The following COL13A1 variants were observed in gnomAD, a reference collection of about 807,000 sequenced individuals.
The protein encoded by COL13A1 is collagen alpha-1(XIII) chain.
In COL13A1, 89 loss-of-function variants were observed where a neutral mutation model predicts 130.9. The ratio of observed to expected loss-of-function variants is 0.68; its 90% CI spans 0.57 to 0.81. COL13A1 has a LOEUF of 0.81. COL13A1 is among the 30% of genes least tolerant of loss of function. The probability of loss-of-function intolerance (pLI) is 0.00; values close to 1 mark genes in which losing one functional copy is unlikely to be tolerated. For missense variants in COL13A1, 879 were observed against 934.6 expected (o/e 0.94, Z 0.78); for synonymous variants, 402 against 341.6 (o/e 1.18, Z -1.95).
intron 2 of COL13A1, among the ~76,000 whole-genome samples, chr10:69,838,132 C>A (rs1334005911): frequency 6.6e-6 from 1 of 152,186 alleles, no homozygotes; most frequent in Non-Finnish European, 1.5e-5. Flanking sequence ...CCAGGCAGCC[C>A]CCTCCTCAAG....
At chr10:69,953,325 G>A (rs1181569849) in intron 39 of COL13A1, among the ~76,000 whole-genome samples, 1 of 152,196 alleles carries the variant, frequency 6.6e-6, no homozygotes, top group African/African-American at 2.4e-5. Flanking sequence ...CCACGGATTT[G>A]CCTTCTTCGT....
intron 17 of COL13A1, among the ~76,000 whole-genome samples, chr10:69,909,252 G>A (rs552410527): frequency 2.6e-4 from 40 of 152,192 alleles, no homozygotes; most frequent in Non-Finnish European, 5.3e-4. Flanking sequence ...GAGGCACTGA[G>A]GAGAAGACCC....
intron 1 of COL13A1, among the ~76,000 whole-genome samples, chr10:69,808,466 TA>T (rs1425877365): frequency 6.6e-6 from 1 of 152,092 alleles, no homozygotes; most frequent in East Asian, 1.9e-4. Flanking sequence ...TCCCAAACGG[TA>T]GCAGATACTA....
chr10:69,802,401 A>G lies in COL13A1; in HGVS notation c.-23A>G. On this transcript the variant is annotated 5_prime_UTR_variant, in exon 1 of 41. Coordinates refer to ENST00000645393, the MANE Select transcript of COL13A1 (RefSeq NM_001368882.1). ...CTTTATTTATTCTATTTATTTATTT[A>G]TTGGTTCTCAAGACGCGAGAGGATG... The G allele has an allele frequency of 6.9e-7, 1 of 1,454,696 alleles. No homozygotes were observed. The highest frequency in any genetic ancestry group is 9.0e-7 in the Non-Finnish European group (1 of 1,112,464). 90.1% of individuals were successfully genotyped at this position (1,454,696 alleles called of 1,614,324 possible).
chr10:69,925,598 C>T lies in COL13A1; in HGVS notation c.1330-206C>T, dbSNP rs1449313804. ...TCTTCCCAGGTCGGCCTAGCCCAGA[C>T]TTCTCACATGGAGTCTTCTCGATTT... is the stretch of plus-strand genomic sequence containing the variant. On this transcript the variant is annotated intron_variant, in intron 25 of 40. Transcript: ENST00000645393. 3.3e-5 allele frequency among the ~76,000 whole-genome samples: 5 copies of T among 152,250 alleles called. No homozygotes were observed. The East Asian group carries it at 9.6e-4, about 29-fold the overall frequency.
At chr10:69,875,332 G>A (rs1046863879) in intron 5 of COL13A1, among the ~76,000 whole-genome samples, 169 bp downstream of exon 5, 1 of 152,190 alleles carries the variant, frequency 6.6e-6, no homozygotes, top group African/African-American at 2.4e-5. Flanking sequence ...AAAGGAGAAG[G>A]GAAGTTGTAT....
chr10:69,813,180 C>T (rs965779732), intron 1 of COL13A1, among the ~76,000 whole-genome samples: 1 of 152,134 alleles, frequency 6.6e-6, no homozygotes, highest in African/African-American at 2.4e-5. Context: ...CACCCCAGGA[C>T]TTCTTTGTGG....
chr10:69,853,151 T>G (rs1855440792), intron 2 of COL13A1, among the ~76,000 whole-genome samples: 1 of 152,176 alleles, frequency 6.6e-6, no homozygotes. Flanking sequence ...TTCTCTTAAT[T>G]AAAAAGTCAG....
rs1223276138 is a variant in COL13A1, at chr10:69,822,578, T to G, written c.364+140T>G. On this transcript the variant is annotated intron_variant, in intron 2 of 40. Coordinates refer to ENST00000645393, the MANE Select transcript of COL13A1 (RefSeq NM_001368882.1). ...AGACAGGAGTGACAATATCTGTGGT[T>G]GCCTTCCATCTGCTCACAGATTGGC... 26 of 617,536 alleles carry G rather than the reference T, an allele frequency of 4.2e-5. 1 individual carries two copies. The highest frequency in any genetic ancestry group is 3.4e-4 in the Middle Eastern group (1 of 2,984). 38.3% of individuals were successfully genotyped at this position (617,536 alleles called of 1,614,324 possible).
rs1412417855 is a variant in COL13A1 at position 69,903,365 on chromosome 10, A to AGCCTGCGGG, written c.858+517_858+525dup. Among the ~76,000 whole-genome samples, 3 of 152,358 alleles carry AGCCTGCGGG rather than the reference A, an allele frequency of 2.0e-5. No individual in the cohort carries two copies. The East Asian group carries it at 5.8e-4, about 29-fold the overall frequency. On this transcript the variant is annotated intron_variant, in intron 15 of 40. Transcript: ENST00000645393. ...CTGCGCCAAGCCTGAGGATGCATCA[A>AGCCTGCGGG]GCCTGCGGGGCCTGCAGGGTCACTG...
intron 2 of COL13A1, among the ~76,000 whole-genome samples, chr10:69,860,462 A>G (rs1382020246): frequency 6.6e-6 from 1 of 152,216 alleles, no homozygotes; most frequent in African/African-American, 2.4e-5. Context: ...CTGAAGAATG[A>G]GAAAAATAAT....
At position 69,905,060 on chromosome 10, in the gene COL13A1, G is replaced by A; in HGVS notation, c.885+101G>A. The A allele has an allele frequency of 3.1e-6, 4 of 1,309,472 alleles. No homozygotes were observed. In the Admixed American group the frequency reaches 8.7e-5, roughly 29 times the overall value. 81.1% of individuals were successfully genotyped at this position (1,309,472 alleles called of 1,614,324 possible). A position where few individuals can be genotyped will look rare whatever the true frequency, so the allele number is the denominator to read the frequency against. Reference sequence around the variant, plus strand: ...GGTGACTGAGGCAGGAGCAGAGAGGGATCTCAGCTGAGAGACAGATCAAGC... The same window carrying A: ...GGTGACTGAGGCAGGAGCAGAGAGGAATCTCAGCTGAGAGACAGATCAAGC... On this transcript the variant is annotated intron_variant, in intron 16 of 40. Transcript: ENST00000645393.
intron 30 of COL13A1, chr10:69,931,212 A>G (rs1164947775): frequency 1.3e-5 from 6 of 456,168 alleles, no homozygotes; most frequent in Admixed American, 9.4e-5. Flanking sequence ...GAGCAGACCC[A>G]GAGTGGCAGG....
At chr10:69,832,195 A>G (rs1418941362) in intron 2 of COL13A1, among the ~76,000 whole-genome samples, 2 of 152,222 alleles carry the variant, frequency 1.3e-5, no homozygotes, top group African/African-American at 4.8e-5. Context: ...GTGGAAGGCT[A>G]GGCCCTTCCA....
chr10:69,912,249 T>G (rs1162417294), intron 17 of COL13A1, among the ~76,000 whole-genome samples: 1 of 152,160 alleles, frequency 6.6e-6, no homozygotes, highest in Non-Finnish European at 1.5e-5. Context: ...AAATTGAGAT[T>G]ATAAGCCAGC....
At chr10:69,924,670 G>A (rs2065116434) in intron 24 of COL13A1, among the ~76,000 whole-genome samples, 2 of 152,132 alleles carry the variant, frequency 1.3e-5, no homozygotes, top group Non-Finnish European at 2.9e-5. Flanking sequence ...GGAGGCAACT[G>A]ACTTAGGGGA....
At chr10:69,894,497 C>T in intron 10 of COL13A1, 55 bp from the exon 11 acceptor site, 2 of 1,607,232 alleles carry the variant, frequency 1.2e-6, no homozygotes, top group Non-Finnish European at 8.5e-7. Flanking sequence ...GGCAGGTGTC[C>T]CTGATTGCCT....
At chr10:69,940,932 T>A (rs2067538931) in intron 34 of COL13A1, 56 bp from the exon 35 acceptor site, 3 of 1,613,080 alleles carry the variant, frequency 1.9e-6, no homozygotes, top group Non-Finnish European at 2.5e-6. Context: ...GTTCCCTTTT[T>A]CTCCCTCCCA....
intron 3 of COL13A1, among the ~76,000 whole-genome samples, chr10:69,868,124 A>C (rs1341585389): frequency 1.1e-5 from 1 of 95,184 alleles, no homozygotes; most frequent in Non-Finnish European, 2.6e-5. Context: ...GGAGTCAAAA[A>C]AAAAAAAAAA....
Sources: gnomAD v4.1 joint callset for allele counts (sites outside exome capture counted in the v4.1 genomes callset) on GRCh38, gnomAD v4.1.1 for gene constraint, MANE v1.5 for transcripts, NCBI Gene and HGNC (gene_info 2026-07-23, HGNC 2026-07-21) for gene names.